The following FSD1L variants were observed in gnomAD, a reference collection of about 807,000 sequenced individuals.
The protein encoded by FSD1L is FSD1-like protein.
A neutral mutation model predicts 71.6 loss-of-function variants in FSD1L; 45 were observed. That is an observed-to-expected ratio of 0.63 (90% CI 0.49 to 0.81). The LOEUF is 0.81. FSD1L is among the 30% of genes least tolerant of loss of function. FSD1L has a pLI of 0.00. For synonymous variants in FSD1L, 197 were observed against 207.2 expected (o/e 0.95, Z 0.42); for missense variants, 561 against 618.1 (o/e 0.91, Z 0.98).
In FSD1L at chr9:105,552,363, C is replaced by T. The variant is rs886126903; in HGVS notation, c.*5880C>T. 2.0e-5 allele frequency: 3 copies of T among 151,872 alleles called. No homozygotes were observed. Among genetic ancestry groups the T allele is most frequent in the African/African-American group, 7.3e-5 (3 of 41,330 alleles). The allele number at this position is 151,872 out of a possible 1,614,324, so 9.4% of individuals were successfully genotyped here. A position where few individuals can be genotyped will look rare whatever the true frequency, so the allele number is the denominator to read the frequency against. On this transcript the variant is annotated 3_prime_UTR_variant, in exon 14 of 14. Transcript: ENST00000481272. ...GTGTATTTTGAAATGATTTTGTGTT[C>T]TATATAGAATGTCCCAGTTAAGATT...
At chr9:105,521,087 T>A in intron 10 of FSD1L, 1 of 1,613,646 alleles carries the variant, frequency 6.2e-7, no homozygotes, top group Non-Finnish European at 8.5e-7. Flanking sequence ...AGCCACATTA[T>A]GTCATGATAA....
At chr9:105,497,885 C>T (rs574827098) in intron 7 of FSD1L, among the ~76,000 whole-genome samples, 1 of 151,870 alleles carries the variant, frequency 6.6e-6, no homozygotes, top group Non-Finnish European at 1.5e-5. Context: ...GCTCAGTTGC[C>T]CAGTCTGGAA....
At chr9:105,447,935 G>A (rs150076023), upstream of FSD1L, 6,975 of 518,396 alleles carry the variant, frequency 0.013, 75 homozygotes, top group Non-Finnish European at 0.02. Flanking sequence ...GTAGACAGAC[G>A]GGCGGCGCTC....
At chr9:105,474,099 T>C (rs1831644163) in intron 5 of FSD1L, among the ~76,000 whole-genome samples, 1 of 152,170 alleles carries the variant, frequency 6.6e-6, no homozygotes, top group Non-Finnish European at 1.5e-5. Flanking sequence ...GTTTCATCAT[T>C]GTGGGAACAT....
chr9:105,464,133 A>G, intron 2 of FSD1L, 103 bp from the exon 3 acceptor site: 1 of 646,584 alleles, frequency 1.5e-6, no homozygotes, highest in Non-Finnish European at 2.7e-6. Context: ...CCTATTTGTT[A>G]TACAATATAC....
chr9:105,452,025 C>T lies in FSD1L; in HGVS notation c.15+3790C>T, dbSNP rs867266260. ...CCCATTATTTTTCCTGCATATTCTTCCTACTTGGAAAGGGGTAGTGAGTGA... is the reference window on the plus strand; with the variant it reads ...CCCATTATTTTTCCTGCATATTCTTTCTACTTGGAAAGGGGTAGTGAGTGA... On this transcript the variant is annotated intron_variant, in intron 1 of 13. Coordinates refer to ENST00000481272, the MANE Select transcript of FSD1L (RefSeq NM_001145313.3). Among the ~76,000 whole-genome samples the T allele has an allele frequency of 3.3e-5, 5 of 152,104 alleles. No individual in the cohort carries two copies. The South Asian group carries it at 1.0e-3, about 32-fold the overall frequency.
chr9:105,539,190 A>AT, intron 12 of FSD1L, 73 bp from the exon 13 acceptor site: 1 of 697,340 alleles, frequency 1.4e-6, no homozygotes, highest in Non-Finnish European at 2.4e-6. Flanking sequence ...TTTTTGCATG[A>AT]TTATGCGTTA....
intron 2 of FSD1L, among the ~76,000 whole-genome samples, chr9:105,463,098 A>G (rs1014477206): frequency 2.6e-5 from 4 of 151,590 alleles, no homozygotes; most frequent in Non-Finnish European, 4.4e-5. Context: ...AGATCACGCC[A>G]TTGCACTCCA....
intron 6 of FSD1L, among the ~76,000 whole-genome samples, chr9:105,482,920 A>G (rs1832306659): frequency 6.6e-6 from 1 of 152,184 alleles, no homozygotes; most frequent in African/African-American, 2.4e-5. Context: ...TAAACCAAGT[A>G]GGTTCTAACC....
At chr9:105,447,953 T>TC, upstream of FSD1L, 1 of 532,798 alleles carries the variant, frequency 1.9e-6, no homozygotes, top group Non-Finnish European at 3.3e-6. Context: ...CTCCCCACCC[T>TC]CCACGGCTAC....
At position 105,525,738 on chromosome 9, in the gene FSD1L, A is replaced by T. The variant is rs1554714651; in HGVS notation, c.1026-8755A>T. The T allele has an allele frequency of 4.0e-5, 64 of 1,602,734 alleles. No individual in the cohort carries two copies. The South Asian group carries it at 6.5e-4, about 16-fold the overall frequency. ...AACACTCCATTCTCACCAATACAGGAGGAAGTCAAGCATATGAAGATTTTG... is the reference window on the plus strand; with the variant it reads ...AACACTCCATTCTCACCAATACAGGTGGAAGTCAAGCATATGAAGATTTTG... On this transcript the variant is annotated intron_variant, in intron 10 of 13. Coordinates refer to ENST00000481272, the MANE Select transcript of FSD1L (RefSeq NM_001145313.3).
chr9:105,492,922 A>G (rs2131758717), intron 7 of FSD1L, among the ~76,000 whole-genome samples: 1 of 152,262 alleles, frequency 6.6e-6, no homozygotes, highest in East Asian at 1.9e-4. Flanking sequence ...ACTTCCAAGT[A>G]TGTGGTCAAT....
At chr9:105,480,492 A>C (rs1001061043) in intron 6 of FSD1L, among the ~76,000 whole-genome samples, 5 of 152,038 alleles carry the variant, frequency 3.3e-5, no homozygotes, top group African/African-American at 1.2e-4. Context: ...GGGTCTTGCT[A>C]TTTTGCCCAG....
chr9:105,526,188 C>A (rs1835495905), intron 10 of FSD1L: 31 of 1,592,630 alleles, frequency 1.9e-5, no homozygotes, highest in Non-Finnish European at 2.7e-5. Context: ...TAAATGCAAG[C>A]CGTGCTCTGA....
rs1830909783 is a variant in FSD1L at position 105,464,247 on chromosome 9, G to A, written c.123G>A (p.Gln41=). The change falls in exon 3 of 14, where the codon CAG becomes CAA. Residue 41 remains glutamine (Q), a synonymous_variant. Coordinates refer to ENST00000481272, the MANE Select transcript of FSD1L (RefSeq NM_001145313.3). ...ESINLQQEAL[Q]RIISTLANKN... ...TTTCTTAATTCTAGGAAGCTCTACA[G>A]AGGATCATTTCAACTCTGGCAAATA... 4 of 1,502,182 alleles carry A rather than the reference G, an allele frequency of 2.7e-6. No homozygotes were observed. The highest frequency in any genetic ancestry group is 1.7e-4 in the Middle Eastern group (1 of 5,762). 93.1% of individuals were successfully genotyped at this position (1,502,182 alleles called of 1,614,324 possible).
At position 105,489,204 on chromosome 9, in the gene FSD1L, C is replaced by T. The variant is rs1011412841; in HGVS notation, c.586+4702C>T. On this transcript the variant is annotated intron_variant, in intron 7 of 13. Coordinates refer to ENST00000481272, the MANE Select transcript of FSD1L (RefSeq NM_001145313.3). Reference sequence around the variant, plus strand: ...CAGGTATACAAATATAGCCAATCCTCCCACCTATTAGGTAAAATGCATGGT... The same window carrying T: ...CAGGTATACAAATATAGCCAATCCTTCCACCTATTAGGTAAAATGCATGGT... 2.6e-5 allele frequency among the ~76,000 whole-genome samples: 4 copies of T among 152,234 alleles called. No homozygotes were observed. In the South Asian group the frequency reaches 8.3e-4, roughly 32 times the overall value.
chr9:105,526,025 T>C, intron 10 of FSD1L: 3 of 1,513,784 alleles, frequency 2.0e-6, no homozygotes, highest in Non-Finnish European at 2.8e-6. Context: ...CCCACAGAAT[T>C]TGGTGATGTC....
Position 105,495,836 on chromosome 9 carries a change from G to A in FSD1L, c.587-10563G>A, listed in dbSNP as rs548939304. Among the ~76,000 whole-genome samples the A allele has an allele frequency of 1.1e-4, 17 of 152,144 alleles. No individual in the cohort carries two copies. The East Asian group carries it at 1.2e-3, about 10-fold the overall frequency. On this transcript the variant is annotated intron_variant, in intron 7 of 13. Coordinates refer to ENST00000481272, the MANE Select transcript of FSD1L (RefSeq NM_001145313.3). Reference sequence around the variant, plus strand: ...CTAAAAATACAAAAATTAGCTGGGCGTAGTGATGGGCGCATGTAGTCCCAG... The same window carrying A: ...CTAAAAATACAAAAATTAGCTGGGCATAGTGATGGGCGCATGTAGTCCCAG...
At chr9:105,517,314 A>T (rs879885089) in intron 10 of FSD1L, among the ~76,000 whole-genome samples, 2 of 152,200 alleles carry the variant, frequency 1.3e-5, no homozygotes, top group Middle Eastern at 3.2e-3. Flanking sequence ...AAATTCAAGA[A>T]ATACAGAGAG....
Sources: gnomAD v4.1 joint callset for allele counts (sites outside exome capture counted in the v4.1 genomes callset) on GRCh38, gnomAD v4.1.1 for gene constraint, MANE v1.5 for transcripts, NCBI Gene and HGNC (gene_info 2026-07-23, HGNC 2026-07-21) for gene names.